RPS6KC1: variants seen among roughly 807,000 people sequenced by gnomAD.
The protein encoded by RPS6KC1 is ribosomal protein S6 kinase C1.
A neutral mutation model predicts 103.8 loss-of-function variants in RPS6KC1; 54 were observed. The ratio of observed to expected loss-of-function variants is 0.52; its 90% CI spans 0.42 to 0.65. The LOEUF is 0.65. Among genes scored for constraint, RPS6KC1 ranks in the 30% least tolerant of loss-of-function variants. The pLI, the probability that RPS6KC1 is intolerant of heterozygous loss-of-function variation, is 0.00. For missense variants in RPS6KC1, 1,151 were observed against 1,253.8 expected, an observed-to-expected ratio of 0.92 and a Z score of 1.24; for synonymous variants, 439 against 438.7, an observed-to-expected ratio of 1.00 and a Z score of -0.01.
At chr1:213,811,498 T>C in the RPS6KC1 span, among the ~76,000 whole-genome samples, 10 of 152,134 alleles carry the variant, frequency 6.6e-5, no homozygotes, top group African/African-American at 2.4e-4. Context: ...CAAAACAGAA[T>C]GTGGCAAAGA....
chr1:213,535,213 T>C, the RPS6KC1 span, among the ~76,000 whole-genome samples: 1 of 152,190 alleles, frequency 6.6e-6, no homozygotes, highest in Non-Finnish European at 1.5e-5. Context: ...GAATCTGAAG[T>C]GGCCATATAC....
intron 8 of RPS6KC1, among the ~76,000 whole-genome samples, chr1:213,223,794 C>T (rs1167447194): frequency 6.6e-6 from 1 of 152,102 alleles, no homozygotes; most frequent in Non-Finnish European, 1.5e-5. Context: ...ATATTGTTTT[C>T]CATAGTGGTT....
At chr1:213,325,622 T>A in the RPS6KC1 span, among the ~76,000 whole-genome samples, 1 of 152,106 alleles carries the variant, frequency 6.6e-6, no homozygotes, top group Non-Finnish European at 1.5e-5. Context: ...CTGGCACGGA[T>A]AGATGGTAAG....
intron 8 of RPS6KC1, among the ~76,000 whole-genome samples, chr1:213,183,726 C>T (rs1431827449): frequency 6.6e-6 from 1 of 151,724 alleles, no homozygotes; most frequent in Non-Finnish European, 1.5e-5. Context: ...GTTCCTAACT[C>T]AAAAGAACTA....
chr1:213,681,289 C>T, the RPS6KC1 span, among the ~76,000 whole-genome samples: 1 of 152,176 alleles, frequency 6.6e-6, no homozygotes. Context: ...ATGGAGGGCT[C>T]AGTAGAGTCT....
the RPS6KC1 span, among the ~76,000 whole-genome samples, chr1:213,577,929 C>T: frequency 2.6e-5 from 4 of 152,318 alleles, no homozygotes; most frequent in East Asian, 1.9e-4. Flanking sequence ...GCATAAGTAA[C>T]GAGGAGCCGA....
the RPS6KC1 span, among the ~76,000 whole-genome samples, chr1:213,391,463 T>A: frequency 6.6e-6 from 1 of 152,202 alleles, no homozygotes; most frequent in Non-Finnish European, 1.5e-5. Flanking sequence ...ATTTGTTAAA[T>A]GTGTCAGACC....
chr1:213,255,301 A>G (rs2094616951), intron 12 of RPS6KC1, among the ~76,000 whole-genome samples: 1 of 151,320 alleles, frequency 6.6e-6, no homozygotes, highest in East Asian at 1.9e-4. Context: ...ACTCCAGCCT[A>G]GGTGACAGGA....
At chr1:213,263,953 T>C (rs1161175463) in intron 14 of RPS6KC1, among the ~76,000 whole-genome samples, 2 of 152,030 alleles carry the variant, frequency 1.3e-5, no homozygotes, top group East Asian at 1.9e-4. Context: ...GAGAATAGTC[T>C]TGGTGGAATG....
chr1:213,678,712 G>T, the RPS6KC1 span, among the ~76,000 whole-genome samples: 1 of 152,212 alleles, frequency 6.6e-6, no homozygotes, highest in African/African-American at 2.4e-5. Flanking sequence ...CTAATCATCA[G>T]TGAGGTTTGA....
chr1:213,728,937 G>GTTTTTTGTT, the RPS6KC1 span, among the ~76,000 whole-genome samples: 1 of 93,416 alleles, frequency 1.1e-5, no homozygotes, highest in Non-Finnish European at 1.9e-5. Context: ...GAACATGAGG[G>GTTTTTTGTT]TTTTTTTTTT....
At chr1:213,276,658 T>A (rs565135887), downstream of RPS6KC1, among the ~76,000 whole-genome samples, 4 of 152,314 alleles carry the variant, frequency 2.6e-5, no homozygotes, top group African/African-American at 9.6e-5. Context: ...ACTTAACTGT[T>A]TTCTTATTGT....
At chr1:213,296,414 C>T in the RPS6KC1 span, among the ~76,000 whole-genome samples, 2 of 152,122 alleles carry the variant, frequency 1.3e-5, no homozygotes, top group African/African-American at 2.4e-5. Context: ...TAGTTGGGGG[C>T]AGGGCTTTAC....
At chr1:213,471,716 A>G in the RPS6KC1 span, among the ~76,000 whole-genome samples, 1 of 151,910 alleles carries the variant, frequency 6.6e-6, no homozygotes, top group Non-Finnish European at 1.5e-5. Flanking sequence ...CCATTTAAAA[A>G]CAGTGTTCCT....
the RPS6KC1 span, among the ~76,000 whole-genome samples, chr1:213,678,862 G>A: frequency 6.6e-6 from 1 of 152,164 alleles, no homozygotes; most frequent in Non-Finnish European, 1.5e-5. Flanking sequence ...TTCCTCCTTA[G>A]CAAGTTGTCC....
the RPS6KC1 span, among the ~76,000 whole-genome samples, chr1:213,572,495 ATAT>A: frequency 6.6e-6 from 1 of 152,258 alleles, no homozygotes; most frequent in Non-Finnish European, 1.5e-5. Flanking sequence ...GACTGGGGAA[ATAT>A]TATTATGTTC....
the RPS6KC1 span, among the ~76,000 whole-genome samples, chr1:213,835,205 G>A: frequency 2.6e-5 from 4 of 152,210 alleles, no homozygotes; most frequent in East Asian, 3.9e-4. Flanking sequence ...AGGCAGGACC[G>A]GCTTGGAATG....
the RPS6KC1 span, chr1:213,731,457 T>G: frequency 6.6e-6 from 1 of 152,182 alleles, no homozygotes; most frequent in Non-Finnish European, 1.5e-5. Flanking sequence ...GGGAATAAGC[T>G]TCTCATTTCA....
the RPS6KC1 span, among the ~76,000 whole-genome samples, chr1:213,357,673 C>T: frequency 6.6e-6 from 1 of 152,126 alleles, no homozygotes; most frequent in African/African-American, 2.4e-5. Flanking sequence ...GGTGTGGAGA[C>T]CAAAGAAAGT....
Sources: allele counts gnomAD v4.1 joint callset (sites outside exome capture counted in the v4.1 genomes callset), GRCh38; gene constraint gnomAD v4.1.1; transcripts MANE v1.5; gene names NCBI Gene and HGNC (gene_info 2026-07-23, HGNC 2026-07-21).